NFIB: variants seen among roughly 807,000 people sequenced by gnomAD.
The protein encoded by NFIB is nuclear factor I B.
Under a neutral mutation model 61.5 loss-of-function variants are expected in NFIB, and 11 were observed. The observed-to-expected ratio is 0.18, with a 90% CI of 0.11 to 0.30. The LOEUF is 0.30. Among genes scored for constraint, NFIB ranks in the 10% least tolerant of loss-of-function variants. NFIB has a pLI of 1.00. For missense variants in NFIB, 471 were observed against 608.9 expected (o/e 0.77, Z 2.38); for synonymous variants, 260 against 216.5 (o/e 1.20, Z -1.76).
At chr9:14,386,681 A>G (rs1405086404) in intron 1 of NFIB, among the ~76,000 whole-genome samples, 3 of 152,342 alleles carry the variant, frequency 2.0e-5, no homozygotes, top group Middle Eastern at 6.8e-3. Flanking sequence ...GCCAGTGTTT[A>G]AAGTTCAGTA....
intron 7 of NFIB, among the ~76,000 whole-genome samples, 154 bp downstream of exon 7, chr9:14,125,475 GAGA>G (rs1159971628): frequency 1.3e-5 from 2 of 152,160 alleles, no homozygotes; most frequent in Non-Finnish European, 2.9e-5. Context: ...CTCATAAATT[GAGA>G]AGAAAAAATA....
chr9:14,158,688 A>C (rs1196588019), intron 3 of NFIB, among the ~76,000 whole-genome samples: 1 of 152,220 alleles, frequency 6.6e-6, no homozygotes, highest in Admixed American at 6.5e-5. Flanking sequence ...AGATGGTTTA[A>C]GATTTATGGA....
At chr9:14,350,745 G>A (rs984573218) in intron 1 of NFIB, among the ~76,000 whole-genome samples, 5 of 152,168 alleles carry the variant, frequency 3.3e-5, no homozygotes, top group African/African-American at 1.2e-4. Context: ...GAGAGTGGGG[G>A]CTAGGGATTC....
intron 1 of NFIB, among the ~76,000 whole-genome samples, chr9:14,331,068 C>T (rs2060815919): frequency 6.6e-6 from 1 of 152,186 alleles, no homozygotes; most frequent in African/African-American, 2.4e-5. Context: ...TTTAATTAAG[C>T]AAGGCCTCCC....
At chr9:14,468,850 G>A in the NFIB span, among the ~76,000 whole-genome samples, 1 of 152,172 alleles carries the variant, frequency 6.6e-6, no homozygotes, top group Non-Finnish European at 1.5e-5. Context: ...CAAGTAAATT[G>A]CCCAGATCTC....
At chr9:14,454,321 A>G in the NFIB span, among the ~76,000 whole-genome samples, 1 of 152,222 alleles carries the variant, frequency 6.6e-6, no homozygotes, top group East Asian at 1.9e-4. Flanking sequence ...TTATGTTGCT[A>G]TTTAGCTGCA....
Position 14,083,232 on chromosome 9 carries a change from G to C in NFIB, c.*5077C>G. On this transcript the variant is annotated 3_prime_UTR_variant, in exon 11 of 11. Coordinates refer to ENST00000380953, the MANE Select transcript of NFIB (RefSeq NM_001190737.2). ...ATCTGTGGCACGGACACAGTACAAA[G>C]AGTTGTCATGGCAATGAGTTTGGCT... The C allele has an allele frequency of 4.5e-6, 1 of 224,604 alleles. No homozygotes were observed. The highest frequency in any genetic ancestry group is 2.2e-5 in the African/African-American group (1 of 44,872). The allele number at this position is 224,604 out of a possible 1,614,324, so 13.9% of individuals were successfully genotyped here.
chr9:14,348,591 G>A (rs979713896), intron 1 of NFIB, among the ~76,000 whole-genome samples: 1 of 152,208 alleles, frequency 6.6e-6, no homozygotes, highest in African/African-American at 2.4e-5. Context: ...CCAGGCCAGC[G>A]CCCGGGTGAA....
At chr9:14,265,271 T>C (rs992992004) in intron 2 of NFIB, among the ~76,000 whole-genome samples, 2 of 152,230 alleles carry the variant, frequency 1.3e-5, no homozygotes, top group Non-Finnish European at 2.9e-5. Context: ...TGAATGTTTA[T>C]GTCCCCCCAA....
intron 2 of NFIB, among the ~76,000 whole-genome samples, chr9:14,228,871 ATG>A (rs969617542): frequency 8.0e-4 from 122 of 152,320 alleles, no homozygotes; most frequent in African/African-American, 2.9e-3. Context: ...GTGACTCAAT[ATG>A]AAATGGGGAC....
At chr9:14,217,529 G>A (rs1042914580) in intron 2 of NFIB, among the ~76,000 whole-genome samples, 4 of 151,600 alleles carry the variant, frequency 2.6e-5, no homozygotes, top group East Asian at 1.9e-4. Context: ...GCGTGGTGGC[G>A]CATGCCTGTA....
chr9:14,107,296 T>G (rs2036699570), intron 10 of NFIB, among the ~76,000 whole-genome samples: 1 of 151,746 alleles, frequency 6.6e-6, no homozygotes, highest in Non-Finnish European at 1.5e-5. Flanking sequence ...TGTTGTATGT[T>G]TCACATACAA....
chr9:14,414,341 A>T, the NFIB span, among the ~76,000 whole-genome samples: 1 of 151,004 alleles, frequency 6.6e-6, no homozygotes, highest in South Asian at 2.1e-4. Flanking sequence ...AGGCTGAGGC[A>T]GGAGAATTGC....
At chr9:14,107,878 C>T (rs1265218409) in intron 10 of NFIB, among the ~76,000 whole-genome samples, 1 of 151,964 alleles carries the variant, frequency 6.6e-6, no homozygotes, top group African/African-American at 2.4e-5. Context: ...TAATTTTTTC[C>T]TTGTGTTTCT....
chr9:14,279,554 TATA>T (rs1453339750), intron 2 of NFIB, among the ~76,000 whole-genome samples: 1 of 152,212 alleles, frequency 6.6e-6, no homozygotes, highest in Non-Finnish European at 1.5e-5. Flanking sequence ...CAGAGATCGA[TATA>T]ATTTACTTCA....
intron 2 of NFIB, among the ~76,000 whole-genome samples, chr9:14,219,164 C>T (rs190401433): frequency 2.6e-5 from 4 of 152,092 alleles, no homozygotes; most frequent in Non-Finnish European, 5.9e-5. Flanking sequence ...TTGGCACAGC[C>T]TCTCACAACT....
chr9:14,419,311 A>G, the NFIB span, among the ~76,000 whole-genome samples: 8 of 151,098 alleles, frequency 5.3e-5, no homozygotes, highest in Non-Finnish European at 1.2e-4. Flanking sequence ...AAAGCAAGAA[A>G]GAAAGAAGCA....
chr9:14,218,557 G>C (rs1018432818), intron 2 of NFIB, among the ~76,000 whole-genome samples: 1 of 152,196 alleles, frequency 6.6e-6, no homozygotes, highest in South Asian at 2.1e-4. Context: ...CTGAGAGACT[G>C]ATGACTATAG....
intron 6 of NFIB, among the ~76,000 whole-genome samples, chr9:14,126,816 A>G (rs1366336947): frequency 9.9e-5 from 15 of 152,246 alleles, no homozygotes; most frequent in Admixed American, 9.8e-4. Context: ...GACAGAAATC[A>G]TGAAGACCAC....
Sources: allele counts gnomAD v4.1 joint callset (sites outside exome capture counted in the v4.1 genomes callset), GRCh38; gene constraint gnomAD v4.1.1; transcripts MANE v1.5; gene names NCBI Gene and HGNC (gene_info 2026-07-23, HGNC 2026-07-21).